Variants in TSPEAR observed in about 807,000 individuals in gnomAD.
TSPEAR encodes the protein thrombospondin-type laminin G domain and EAR repeat-containing protein.
In TSPEAR, 69 loss-of-function variants were observed where a neutral mutation model predicts 71.6. The ratio of observed to expected loss-of-function variants is 0.96; its 90% CI spans 0.79 to 1.18. The LOEUF is 1.18. Among genes scored for constraint, TSPEAR ranks in the 50% most tolerant of loss-of-function variants. The pLI, the probability that TSPEAR is intolerant of heterozygous loss-of-function variation, is 0.00. For missense variants in TSPEAR, 971 were observed against 894.9 expected (o/e 1.09, Z -1.09); for synonymous variants, 402 against 387.2 (o/e 1.04, Z -0.45).
chr21:44,638,684 C>T (rs1344570294), intron 1 of TSPEAR, among the ~76,000 whole-genome samples: 1 of 151,900 alleles, frequency 6.6e-6, no homozygotes, highest in African/African-American at 2.4e-5. Context: ...CCTCTTAGCC[C>T]CGTGGGCCCC....
At chr21:44,683,403 T>C (rs1986706787) in intron 1 of TSPEAR, among the ~76,000 whole-genome samples, 1 of 152,214 alleles carries the variant, frequency 6.6e-6, no homozygotes, top group African/African-American at 2.4e-5. Context: ...CGGTTGTTTA[T>C]GCCTGTAATC....
intron 9 of TSPEAR, 157 bp from the exon 10 acceptor site, chr21:44,509,543 AGAGGTGTGGGT>A (rs1555912380): frequency 2.3e-5 from 14 of 596,470 alleles, no homozygotes; most frequent in African/African-American, 2.3e-4. Flanking sequence ...GAGCGGGCGC[AGAGGTGTGGGT>A]GAGCGGGCGC....
intron 1 of TSPEAR, among the ~76,000 whole-genome samples, chr21:44,704,249 A>ACCCCCC (rs146556832): frequency 6.8e-6 from 1 of 147,154 alleles, no homozygotes; most frequent in African/African-American, 2.5e-5. Context: ...TGGGTACCCC[A>ACCCCCC]CCCCCCCACC....
chr21:44,522,448 C>T (rs1450258642), intron 8 of TSPEAR, among the ~76,000 whole-genome samples: 1 of 152,242 alleles, frequency 6.6e-6, no homozygotes, highest in Non-Finnish European at 1.5e-5. Context: ...TCCAGCATCC[C>T]CACAGGCCAG....
Position 44,677,555 on chromosome 21 carries a change from G to A in TSPEAR, c.82+33878C>T, listed in dbSNP as rs138711658. ...ATGGTCGTTCCCTTATAGAAGATGA[G>A]GATGCTTCTTCTGAAAGTGCAGGTG... On this transcript the variant is annotated intron_variant, in intron 1 of 11. Coordinates refer to ENST00000323084, the MANE Select transcript of TSPEAR (RefSeq NM_144991.3). 158 of 871,516 alleles carry A rather than the reference G, an allele frequency of 1.8e-4. 1 individual carries two copies. In the East Asian group the frequency reaches 3.3e-3, roughly 18 times the overall value. The allele number at this position is 871,516 out of a possible 1,614,324, so 54.0% of individuals were successfully genotyped here.
In TSPEAR at chr21:44,527,418, A is replaced by T. The variant is rs782100806; in HGVS notation, c.1023T>A (p.Phe341Leu). Residue 341 changes from phenylalanine to leucine, a missense_variant, in exon 7 of 12, where the codon TTT becomes TTA. Transcript: ENST00000323084. ...EVFRIPQVGL[F>L]VATANRKATS... ...TGGCTTTGCGATTGGCTGTGGCCAC[A>T]AAGAGCCCCACCTGAGGGATGCGGA... 3.7e-6 allele frequency: 6 copies of T among 1,614,234 alleles called. No homozygotes were observed. The Admixed American group carries it at 1.0e-4, about 27-fold the overall frequency.
At chr21:44,681,932 C>T (rs782027452) in intron 1 of TSPEAR, 1 of 1,614,126 alleles carries the variant, frequency 6.2e-7, no homozygotes, top group Admixed American at 1.7e-5. Context: ...GAGCCGCATA[C>T]ACGACGGGCC....
At chr21:44,641,732 A>T (rs1009039906) in intron 1 of TSPEAR, among the ~76,000 whole-genome samples, 16 of 152,352 alleles carry the variant, frequency 1.1e-4, no homozygotes, top group Admixed American at 2.0e-4. Context: ...TAGACAGAGG[A>T]AAGACTTCAC....
intron 4 of TSPEAR, 110 bp from the exon 5 acceptor site, chr21:44,530,064 T>C: frequency 2.6e-6 from 3 of 1,175,392 alleles, no homozygotes; most frequent in Non-Finnish European, 3.5e-6. Flanking sequence ...CTCGGGTGGA[T>C]GGAATCTAAG....
At position 44,628,126 on chromosome 21, in the gene TSPEAR, C is replaced by A. The variant is rs1299838903; in HGVS notation, c.83-60121G>T. On this transcript the variant is annotated intron_variant, in intron 1 of 11. Coordinates refer to ENST00000323084, the MANE Select transcript of TSPEAR (RefSeq NM_144991.3). ...TCCTTGGACCTCCCAGCCCACCCAG[C>A]CTCAGCACAGCTCAACACAGAAGGA... 10 of 1,520,278 alleles carry A rather than the reference C, an allele frequency of 6.6e-6. No homozygotes were observed. In the Admixed American group the frequency reaches 1.5e-4, roughly 23 times the overall value. 94.2% of individuals were successfully genotyped at this position (1,520,278 alleles called of 1,614,324 possible).
chr21:44,601,005 C>T (rs1980814003), intron 1 of TSPEAR: 8 of 1,612,136 alleles, frequency 5.0e-6, no homozygotes, highest in Admixed American at 1.7e-5. Context: ...GTGTGCCTGT[C>T]TGCAGTGGGG....
At chr21:44,518,761 G>C (rs372689165) in intron 9 of TSPEAR, 13 of 456,784 alleles carry the variant, frequency 2.8e-5, no homozygotes, top group East Asian at 7.1e-5. Flanking sequence ...ACTATTCCTT[G>C]TGTGATAACG....
chr21:44,585,774 G>A (rs1376817148), intron 1 of TSPEAR, among the ~76,000 whole-genome samples: 4 of 152,010 alleles, frequency 2.6e-5, no homozygotes, highest in Non-Finnish European at 1.5e-5. Context: ...ATGGAGTAAC[G>A]GCCTCTTTGT....
At chr21:44,528,771 G>A (rs182487844) in intron 5 of TSPEAR, among the ~76,000 whole-genome samples, 188 bp from the exon 6 acceptor site, 5 of 152,318 alleles carry the variant, frequency 3.3e-5, no homozygotes, top group Admixed American at 1.3e-4. Flanking sequence ...CTGGCCTACC[G>A]GTGACGAAGG....
intron 1 of TSPEAR, among the ~76,000 whole-genome samples, chr21:44,636,411 G>A (rs139794724): frequency 6.6e-6 from 1 of 152,312 alleles, no homozygotes; most frequent in East Asian, 1.9e-4. Flanking sequence ...GGTGCTGGGT[G>A]CAGTGACTTT....
At chr21:44,557,275 G>A (rs1306813506) in intron 2 of TSPEAR, among the ~76,000 whole-genome samples, 1 of 152,252 alleles carries the variant, frequency 6.6e-6, no homozygotes, top group East Asian at 1.9e-4. Context: ...CAAGGACAAA[G>A]GTGGTTACTC....
intron 1 of TSPEAR, among the ~76,000 whole-genome samples, chr21:44,683,478 C>T (rs949536395): frequency 6.7e-6 from 1 of 149,864 alleles, no homozygotes; most frequent in African/African-American, 2.5e-5. Flanking sequence ...CCAGCCTGGG[C>T]AACATAGTGA....
intron 1 of TSPEAR, among the ~76,000 whole-genome samples, chr21:44,607,725 G>T (rs1981405382): frequency 1.3e-5 from 2 of 152,180 alleles, no homozygotes; most frequent in Admixed American, 6.5e-5. Context: ...GCAAATGTGT[G>T]CAGGAAATGG....
intron 1 of TSPEAR, among the ~76,000 whole-genome samples, chr21:44,657,115 C>A (rs1555942677): frequency 6.6e-6 from 1 of 152,126 alleles, no homozygotes. Flanking sequence ...TGTCTCCTCA[C>A]AGACGCCCCC....
Sources: allele counts gnomAD v4.1 joint callset (sites outside exome capture counted in the v4.1 genomes callset), GRCh38; gene constraint gnomAD v4.1.1; transcripts MANE v1.5; gene names NCBI Gene and HGNC (gene_info 2026-07-23, HGNC 2026-07-21).